Variants in SPG7 observed in about 807,000 individuals in gnomAD.
SPG7 encodes mitochondrial inner membrane m-AAA protease component paraplegin.
SPG7 carries 103 observed loss-of-function variants against 81.9 expected under a neutral mutation model. The ratio of observed to expected loss-of-function variants is 1.26; its 90% confidence interval spans 1.07 to 1.48. SPG7 has a LOEUF of 1.48. Ranked by LOEUF, SPG7 falls within the 40% of genes most tolerant of loss-of-function variation. The pLI, the probability that SPG7 is intolerant of heterozygous loss-of-function variation, is 0.00. For synonymous variants in SPG7, 534 were observed against 444.2 expected, an observed-to-expected ratio of 1.20 and a Z score of -2.54; for missense variants, 1,241 against 1,087.3, an observed-to-expected ratio of 1.14 and a Z score of -1.99.
At chr16:89,553,215 G>T (rs1477138801) in intron 14 of SPG7, 80 bp downstream of exon 14, 1 of 1,349,940 alleles carries the variant, frequency 7.4e-7, no homozygotes, top group Non-Finnish European at 1.0e-6. Flanking sequence ...TGCATGCCAT[G>T]GGGTGAATCT....
intron 2 of SPG7, among the ~76,000 whole-genome samples, chr16:89,512,461 T>C: frequency 6.6e-6 from 1 of 152,070 alleles, no homozygotes; most frequent in East Asian, 1.9e-4. Flanking sequence ...TACAAGCGCC[T>C]GCCAACACGT....
chr16:89,553,342 A>G, intron 14 of SPG7: 1 of 618,918 alleles, frequency 1.6e-6, no homozygotes, highest in South Asian at 1.9e-5. Context: ...AACTTAACCT[A>G]TATGCCAACT....
chr16:89,525,134 A>G (rs796859136), intron 4 of SPG7, among the ~76,000 whole-genome samples: 6 of 151,346 alleles, frequency 4.0e-5, no homozygotes, highest in Middle Eastern at 3.4e-3. Context: ...TAATTTTTAA[A>G]TTTTTTGTTT....
At chr16:89,513,922 T>C (rs1260469955) in intron 3 of SPG7, among the ~76,000 whole-genome samples, 2 of 152,166 alleles carry the variant, frequency 1.3e-5, no homozygotes, top group Non-Finnish European at 2.9e-5. Context: ...GATGAGGGGA[T>C]TATTATTGTG....
intron 9 of SPG7, chr16:89,536,831 G>A (rs770004173): frequency 6.8e-6 from 11 of 1,614,198 alleles, no homozygotes; most frequent in Middle Eastern, 1.6e-4. Context: ...ACCCCCGCCT[G>A]CTCCTGTCTC....
At chr16:89,517,427 C>A (rs1294155865) in intron 3 of SPG7, 1 of 152,234 alleles carries the variant, frequency 6.6e-6, no homozygotes, top group African/African-American at 2.4e-5. Context: ...TCCTGGTTAT[C>A]ACTCCTGGCA....
chr16:89,514,879 C>G (rs921703763), intron 3 of SPG7, among the ~76,000 whole-genome samples: 1 of 151,674 alleles, frequency 6.6e-6, no homozygotes, highest in South Asian at 2.1e-4. Context: ...ATTCACCCAC[C>G]TTGGCCTCCC....
intron 9 of SPG7, chr16:89,537,143 G>C (rs892520901): frequency 2.1e-6 from 3 of 1,460,248 alleles, no homozygotes; most frequent in Non-Finnish European, 9.0e-7. Flanking sequence ...CCCAGGCCAG[G>C]CTTTGTTGCT....
Position 89,524,082 on chromosome 16 carries a change from C to T in SPG7, c.453C>T (p.Val151=), listed in dbSNP as rs200553622. ...GCACCTTGCTGGTCATCGCGGTTGT[C>T]ATGAGCCTCCTGAATGCTCTCAGCA... ...RLRTLLVIAV[V]MSLLNALSTS... Residue 151 remains valine, a synonymous_variant, in exon 4 of 17, where the codon GTC becomes GTT. Coordinates refer to ENST00000645818, the MANE Select transcript of SPG7 (RefSeq NM_003119.4). The T allele has an allele frequency of 9.6e-5, 155 of 1,613,990 alleles. No homozygotes were observed. Among genetic ancestry groups the T allele is most frequent in the Non-Finnish European group, 1.3e-4 (149 of 1,180,040 alleles).
In SPG7 at chr16:89,557,034, G is replaced by A. The variant is rs2058694362; in HGVS notation, c.2329G>A (p.Glu777Lys). 1 of 1,612,890 alleles carries A rather than the reference G, an allele frequency of 6.2e-7. No individual in the cohort carries two copies. Among genetic ancestry groups the A allele is most frequent in the Non-Finnish European group, 8.5e-7 (1 of 1,180,022 alleles). Reference protein sequence around the residue: ...QREKQDLGEEETEETQQPPLG... With the variant: ...QREKQDLGEEKTEETQQPPLG... ...GGAGAAACAGGACTTGGGCGAGGAG[G>A]AGACCGAAGAGACCCAGCAGCCTCC... The change falls in exon 17 of 17, where the codon GAG becomes AAG. Residue 777 changes from glutamate to lysine, a missense_variant. Transcript: ENST00000645818.
In SPG7 at chr16:89,554,544, A is replaced by G. The variant is rs770049503; in HGVS notation, c.2162A>G (p.Asn721Ser). The G allele has an allele frequency of 1.9e-6, 3 of 1,609,658 alleles. No homozygotes were observed. Among genetic ancestry groups the G allele is most frequent in the South Asian group, 2.2e-5 (2 of 91,032 alleles). Residue 721 changes from asparagine (N) to serine (S), a missense_variant, in exon 16 of 17, where the codon AAC (asparagine) becomes AGC (serine). By Grantham distance (46) the Asn-to-Ser change is conservative. Coordinates refer to ENST00000645818, the MANE Select transcript of SPG7 (RefSeq NM_003119.4). ...YRHTEKVLQD[N>S]LDKLQALANA... ...CACACCGAGAAGGTGCTGCAGGACA[A>G]CCTGGACAAGTTGCAGGCGGTGAGG...
chr16:89,508,438 G>C lies in SPG7; in HGVS notation c.21G>C (p.Leu7=), dbSNP rs753694369. Residue 7 remains leucine (L), a synonymous_variant, in exon 1 of 17, where the codon CTG becomes CTC. Coordinates refer to ENST00000645818, the MANE Select transcript of SPG7 (RefSeq NM_003119.4). MAVLLL[L]LRALRRGPGP... ...CCAACATGGCCGTGCTGCTGCTGCT[G>C]CTCCGTGCCCTCCGCCGGGGTCCAG... 6.7e-7 allele frequency: 1 copy of C among 1,500,238 alleles called. No homozygotes were observed. Among genetic ancestry groups the C allele is most frequent in the Non-Finnish European group, 8.8e-7 (1 of 1,131,776 alleles). The allele number at this position is 1,500,238 out of a possible 1,614,324, so 92.9% of individuals were successfully genotyped here.
chr16:89,551,341 C>T (rs2058632482), intron 13 of SPG7: 2 of 156,944 alleles, frequency 1.3e-5, no homozygotes, highest in Admixed American at 6.0e-5. Context: ...TAGCAGTTGC[C>T]AGCTTGGTTT....
Position 89,557,162 on chromosome 16 carries a change from TTTTC to T in SPG7, c.*70_*73del. 4.8e-6 allele frequency: 6 copies of T among 1,246,768 alleles called. No homozygotes were observed. Among genetic ancestry groups the T allele is most frequent in the Non-Finnish European group, 5.8e-6 (5 of 861,606 alleles). The allele number at this position is 1,246,768 out of a possible 1,614,324, so 77.2% of individuals were successfully genotyped here. On this transcript the variant is annotated 3_prime_UTR_variant, in exon 17 of 17. Coordinates refer to ENST00000645818, the MANE Select transcript of SPG7 (RefSeq NM_003119.4). Reference sequence around the variant, plus strand: ...GGCTCACTCAGCCACCCTGAGTTGCTTTTCAGCTGAGGTTTGCACTTCCTCTCGC... The same window carrying T: ...GGCTCACTCAGCCACCCTGAGTTGCTAGCTGAGGTTTGCACTTCCTCTCGC...
rs764950999 is a variant in SPG7, at chr16:89,526,313, C to G, written c.619-16C>G. On this transcript the variant is annotated splice_polypyrimidine_tract_variant and intron_variant, in intron 4 of 16. Coordinates refer to ENST00000645818, the MANE Select transcript of SPG7 (RefSeq NM_003119.4). Reference sequence around the variant, plus strand: ...CCCTGCGTTTCTCATGGTCCCCTCTCCTTTCTGCCCCCCAGCGGCTAGCCT... The same window carrying G: ...CCCTGCGTTTCTCATGGTCCCCTCTGCTTTCTGCCCCCCAGCGGCTAGCCT... 1 of 1,613,876 alleles carries G rather than the reference C, an allele frequency of 6.2e-7. No individual in the cohort carries two copies. Among genetic ancestry groups the G allele is most frequent in the South Asian group, 1.1e-5 (1 of 91,054 alleles).
At chr16:89,548,889 G>A (rs1402116336) in intron 12 of SPG7, 1 of 450,634 alleles carries the variant, frequency 2.2e-6, no homozygotes, top group East Asian at 7.0e-5. Flanking sequence ...TGTTTGAGGA[G>A]CACGAGCCTC....
In SPG7 at chr16:89,510,810, G is replaced by A. The variant is rs146287935; in HGVS notation, c.286+218G>A. Reference sequence around the variant, plus strand: ...TTCCGGAGTAGCTAGGACTACAGGCGTGTACCGTCACACTCGGCTAATTGT... The same window carrying A: ...TTCCGGAGTAGCTAGGACTACAGGCATGTACCGTCACACTCGGCTAATTGT... On this transcript the variant is annotated intron_variant, in intron 2 of 16. Coordinates refer to ENST00000645818, the MANE Select transcript of SPG7 (RefSeq NM_003119.4). 4.8e-3 allele frequency among the ~76,000 whole-genome samples: 725 copies of A among 152,252 alleles called. 6 individuals are homozygous for A. The highest frequency in any genetic ancestry group is 0.017 in the African/African-American group (687 of 41,546).
rs769599800 is a variant in SPG7 at position 89,555,878 on chromosome 16, C to T, written c.2182-1009C>T. 19 of 398,664 alleles carry T rather than the reference C, an allele frequency of 4.8e-5. No homozygotes were observed. Among genetic ancestry groups the T allele is most frequent in the South Asian group, 1.3e-4 (1 of 7,862 alleles). The allele number at this position is 398,664 out of a possible 1,614,324, so 24.7% of individuals were successfully genotyped here. ...TCAGCCTCCCCTTGTGTCTTTCAAG[C>T]GAGCACTGTGTGTCACGTGGGGATC... On this transcript the variant is annotated intron_variant, in intron 16 of 16. Transcript: ENST00000645818.
chr16:89,530,027 C>T (rs1047909048), intron 6 of SPG7: 5 of 302,622 alleles, frequency 1.7e-5, no homozygotes, highest in East Asian at 8.7e-5. Flanking sequence ...TTGGTAGAGA[C>T]GGGGTTTCTC....
Sources: allele counts gnomAD v4.1 joint callset (sites outside exome capture counted in the v4.1 genomes callset), GRCh38; gene constraint gnomAD v4.1.1; transcripts MANE v1.5; gene names NCBI Gene and HGNC (gene_info 2026-07-23, HGNC 2026-07-21).